The following KIRREL1 variants were observed in gnomAD, a reference collection of about 807,000 sequenced individuals.
The protein encoded by KIRREL1 is kin of IRRE-like protein 1.
Under a neutral mutation model 83.3 loss-of-function variants are expected in KIRREL1, and 25 were observed. The ratio of observed to expected loss-of-function variants is 0.30; its 90% CI spans 0.22 to 0.42. KIRREL1 has a LOEUF of 0.42. Ranked by LOEUF, KIRREL1 falls within the 10% of genes least tolerant of loss-of-function variation. KIRREL1 has a pLI of 1.00. For missense variants in KIRREL1, 812 were observed against 1,032.3 expected (o/e 0.79, Z 2.92); for synonymous variants, 388 against 410.4 (o/e 0.95, Z 0.66).
At position 158,093,723 on chromosome 1, in the gene KIRREL1, C is replaced by T. The variant is rs371309453; in HGVS notation, c.1680C>T (p.Ser560=). The T allele has an allele frequency of 1.9e-5, 31 of 1,614,080 alleles. No individual in the cohort carries two copies. Among genetic ancestry groups the T allele is most frequent in the African/African-American group, 5.3e-5 (4 of 74,934 alleles). The change falls in exon 13 of 15, where the codon AGC becomes AGT. Residue 560 remains serine, a synonymous_variant. Transcript: ENST00000359209. ...CTGACCGGGAGGATGACACCGCCAGCGTCTCCACAGCAACCCGGGTCATGA... is the reference window on the plus strand; with the variant it reads ...CTGACCGGGAGGATGACACCGCCAGTGTCTCCACAGCAACCCGGGTCATGA... ...MHSDREDDTA[S]VSTATRVMKA...
In KIRREL1 at chr1:158,095,362, G is replaced by A. The variant is rs889747882; in HGVS notation, c.*242G>A. ...CGGGAGGATGTGTCTCTTCTGACCT[G>A]CACTCTTGCCTGACCCTAGAATGGG... On this transcript the variant is annotated 3_prime_UTR_variant, in exon 15 of 15. Coordinates refer to ENST00000359209, the MANE Select transcript of KIRREL1 (RefSeq NM_018240.7). 6.4e-6 allele frequency: 3 copies of A among 468,718 alleles called. No homozygotes were observed. The highest frequency in any genetic ancestry group is 3.9e-5 in the African/African-American group (2 of 50,818). 29.0% of individuals were successfully genotyped at this position (468,718 alleles called of 1,614,324 possible).
chr1:158,013,317 G>C (rs765733941), intron 1 of KIRREL1, among the ~76,000 whole-genome samples: 29 of 152,268 alleles, frequency 1.9e-4, no homozygotes, highest in Non-Finnish European at 4.1e-4. Flanking sequence ...GGCAAAGAGA[G>C]TCACCTGGGC....
intron 1 of KIRREL1, among the ~76,000 whole-genome samples, chr1:158,064,282 A>C (rs1441280930): frequency 1.3e-5 from 2 of 152,238 alleles, no homozygotes; most frequent in Non-Finnish European, 2.9e-5. Flanking sequence ...CTTTGGCGTC[A>C]TGGTTAACTG....
In KIRREL1 at chr1:158,086,759, G is replaced by T. The variant is rs41273463; in HGVS notation, c.661+13G>T. ...CTGGATGTGCACCGTGAGTGGGCTG[G>T]GGGGAGCAGTCTGGAGCAGGGGGGT... On this transcript the variant is annotated intron_variant, in intron 5 of 14. Coordinates refer to ENST00000359209, the MANE Select transcript of KIRREL1 (RefSeq NM_018240.7). The T allele has an allele frequency of 1.1e-4, 169 of 1,550,308 alleles. 1 individual carries two copies. The highest frequency in any genetic ancestry group is 1.3e-4 in the Non-Finnish European group (151 of 1,146,058).
intron 1 of KIRREL1, among the ~76,000 whole-genome samples, chr1:158,041,817 G>C (rs2101579673): frequency 6.6e-6 from 1 of 152,322 alleles, no homozygotes; most frequent in South Asian, 2.1e-4. Flanking sequence ...ACCCTAGGCT[G>C]ATGCTAGGAC....
In KIRREL1 at chr1:158,007,761, C is replaced by T. The variant is rs533088103; in HGVS notation, c.52+14033C>T. On this transcript the variant is annotated intron_variant, in intron 1 of 14. Transcript: ENST00000359209. ...GTAGGAGGGTAGGACAACTATGGCCCGGAGTCCTGGAAGTGCAGCTAGCCC... is the reference window on the plus strand; with the variant it reads ...GTAGGAGGGTAGGACAACTATGGCCTGGAGTCCTGGAAGTGCAGCTAGCCC... 3.3e-5 allele frequency among the ~76,000 whole-genome samples: 5 copies of T among 151,968 alleles called. No homozygotes were observed. In the South Asian group the frequency reaches 8.3e-4, roughly 25 times the overall value.
At chr1:158,076,302 T>C in intron 2 of KIRREL1, 40 bp downstream of exon 2, 1 of 1,589,370 alleles carries the variant, frequency 6.3e-7, no homozygotes, top group South Asian at 1.1e-5. Flanking sequence ...TGTCCCATCT[T>C]CTCCGCCATT....
intron 1 of KIRREL1, among the ~76,000 whole-genome samples, chr1:158,017,952 A>G (rs1659879990): frequency 6.6e-6 from 1 of 152,228 alleles, no homozygotes; most frequent in Admixed American, 6.5e-5. Flanking sequence ...AACCTGACAG[A>G]AAAGCTTTGT....
In KIRREL1 at chr1:158,089,580, G is replaced by A. The variant is rs372659797; in HGVS notation, c.1123G>A (p.Val375Met). The change falls in exon 9 of 15, where the codon GTG (valine) becomes ATG (methionine). Residue 375 changes from valine (V) to methionine (M), a missense_variant. Val to Met is a conservative substitution (Grantham distance 21, BLOSUM62 1). Coordinates refer to ENST00000359209, the MANE Select transcript of KIRREL1 (RefSeq NM_018240.7). ...DAGTYTCRAI[V>M]PRIGVAEREV... Reference sequence around the variant, plus strand: ...TGGCACCTACACCTGCCGGGCCATCGTGCCTCGAATCGGAGTGGCTGAGCG... The same window carrying A: ...TGGCACCTACACCTGCCGGGCCATCATGCCTCGAATCGGAGTGGCTGAGCG... 8.7e-6 allele frequency: 14 copies of A among 1,613,906 alleles called. No individual in the cohort carries two copies. Among genetic ancestry groups the A allele is most frequent in the African/African-American group, 2.7e-5 (2 of 74,936 alleles).
chr1:158,035,608 A>C (rs753931226), intron 1 of KIRREL1, among the ~76,000 whole-genome samples: 1 of 152,116 alleles, frequency 6.6e-6, no homozygotes, highest in South Asian at 2.1e-4. Context: ...TACTCACCCT[A>C]TGTTCTGGAT....
chr1:158,069,355 T>C (rs1661446814), intron 1 of KIRREL1, among the ~76,000 whole-genome samples: 1 of 148,386 alleles, frequency 6.7e-6, no homozygotes, highest in Non-Finnish European at 1.5e-5. Flanking sequence ...AATCTAAGCA[T>C]TTCCAGCCCC....
rs144644895 is a variant in KIRREL1 at position 157,996,884 on chromosome 1, C to T, written c.52+3156C>T. Among the ~76,000 whole-genome samples the T allele has an allele frequency of 3.0e-3, 453 of 152,240 alleles. 1 individual carries two copies. Among genetic ancestry groups the T allele is most frequent in the African/African-American group, 0.01 (435 of 41,536 alleles). On this transcript the variant is annotated intron_variant, in intron 1 of 14. Transcript: ENST00000359209. ...AGTGCCTCAGCCCTGGGCCCCAGAG[C>T]ACCTGGTCAGGAGGAGGAGGAGGAG...
At chr1:158,008,393 G>A (rs890260595) in intron 1 of KIRREL1, among the ~76,000 whole-genome samples, 5 of 152,130 alleles carry the variant, frequency 3.3e-5, no homozygotes, top group Non-Finnish European at 5.9e-5. Context: ...CTTTATCCCC[G>A]GAGCTCCCCT....
intron 3 of KIRREL1, among the ~76,000 whole-genome samples, chr1:158,078,457 A>G (rs1268354886): frequency 1.3e-5 from 2 of 152,116 alleles, no homozygotes; most frequent in South Asian, 2.1e-4. Flanking sequence ...GTATGGAGTG[A>G]TGGAGACCCG....
chr1:158,060,291 C>T lies in KIRREL1; in HGVS notation c.53-15822C>T, dbSNP rs138228438. 2.1e-3 allele frequency among the ~76,000 whole-genome samples: 319 copies of T among 152,256 alleles called. 2 individuals are homozygous for T. Among genetic ancestry groups the T allele is most frequent in the African/African-American group, 7.5e-3 (311 of 41,554 alleles). On this transcript the variant is annotated intron_variant, in intron 1 of 14. Coordinates refer to ENST00000359209, the MANE Select transcript of KIRREL1 (RefSeq NM_018240.7). Reference sequence around the variant, plus strand: ...ATTCTGGGGATCTCTGACCTTTGCCCCTCCTTCTCAATCTCCCTGTCTGTA... The same window carrying T: ...ATTCTGGGGATCTCTGACCTTTGCCTCTCCTTCTCAATCTCCCTGTCTGTA...
intron 1 of KIRREL1, among the ~76,000 whole-genome samples, chr1:158,044,778 T>C (rs1424335861): frequency 6.6e-6 from 1 of 152,134 alleles, no homozygotes. Flanking sequence ...TTCCAAGTGC[T>C]GAGGATACAG....
chr1:158,093,668 C>A lies in KIRREL1; in HGVS notation c.1625C>A (p.Thr542Lys), dbSNP rs1279802114. 6.2e-7 allele frequency: 1 copy of A among 1,614,204 alleles called. No homozygotes were observed. The highest frequency in any genetic ancestry group is 1.1e-5 in the South Asian group (1 of 91,086). ...AGGAAGCTGGATATCAAGGTGGAGA[C>A]AGTGAACCGAGAGCCACTTACGATG... ...TLRKLDIKVE[T>K]VNREPLTMHS... The change falls in exon 13 of 15, where the codon ACA (threonine) becomes AAA (lysine). Residue 542 changes from threonine (T) to lysine (K), a missense_variant. Around this residue, in one of 3 missense-constraint regions of KIRREL1, gnomAD observed 334 missense variants for 383.7 expected, o/e 0.87. Coordinates refer to ENST00000359209, the MANE Select transcript of KIRREL1 (RefSeq NM_018240.7).
chr1:158,037,348 C>T (rs946946336), intron 1 of KIRREL1, among the ~76,000 whole-genome samples: 1 of 152,102 alleles, frequency 6.6e-6, no homozygotes, highest in Non-Finnish European at 1.5e-5. Context: ...CAAAAATTAG[C>T]TGGGCGTGGT....
intron 1 of KIRREL1, among the ~76,000 whole-genome samples, chr1:158,043,587 G>A (rs1033541104): frequency 2.6e-4 from 39 of 152,176 alleles, no homozygotes; most frequent in African/African-American, 8.9e-4. Flanking sequence ...CTAAATAAAC[G>A]CCTTTCCTCT....
Sources: gnomAD v4.1 joint callset for allele counts (sites outside exome capture counted in the v4.1 genomes callset) on GRCh38, gnomAD v4.1.1 for gene constraint, gnomAD v4.1.1 regional missense constraint, MANE v1.5 for transcripts, NCBI Gene and HGNC (gene_info 2026-07-23, HGNC 2026-07-21) for gene names.